The following ZBTB7C variants were observed in gnomAD, a reference collection of about 807,000 sequenced individuals.
ZBTB7C encodes the protein zinc finger and BTB domain-containing protein 7C.
ZBTB7C carries 8 observed loss-of-function variants against 25.7 expected under a neutral mutation model. That is an observed-to-expected ratio of 0.31 (90% CI 0.18 to 0.56). The LOEUF is 0.56. Ranked by LOEUF, ZBTB7C falls within the 20% of genes least tolerant of loss-of-function variation. ZBTB7C has a pLI of 0.91. For missense variants in ZBTB7C, 824 were observed against 855.2 expected (o/e 0.96, Z 0.46); for synonymous variants, 394 against 369.0 (o/e 1.07, Z -0.78).
At chr18:48,304,065 G>T (rs2045608296) in intron 2 of ZBTB7C, among the ~76,000 whole-genome samples, 1 of 152,130 alleles carries the variant, frequency 6.6e-6, no homozygotes, top group African/African-American at 2.4e-5. Flanking sequence ...CTGGCAAGTG[G>T]GTGACAAAGC....
chr18:48,074,854 G>A (rs1165726567), intron 3 of ZBTB7C, among the ~76,000 whole-genome samples: 4 of 152,162 alleles, frequency 2.6e-5, no homozygotes, highest in African/African-American at 4.8e-5. Flanking sequence ...TTAAAGGAAC[G>A]GACACCCAGC....
chr18:48,115,647 T>C (rs573979038), intron 3 of ZBTB7C, among the ~76,000 whole-genome samples: 37 of 152,318 alleles, frequency 2.4e-4, no homozygotes, highest in African/African-American at 8.9e-4. Flanking sequence ...CTTTTGGCTA[T>C]CGGGAATAAT....
intron 3 of ZBTB7C, chr18:48,088,165 C>T (rs4564645): frequency 0.42 from 64,354 of 151,982 alleles, 13,912 homozygotes; most frequent in Admixed American, 0.54. Flanking sequence ...ATAAAGCTTT[C>T]GTCTGTGGCT....
At chr18:48,149,739 T>C (rs1267071280) in intron 3 of ZBTB7C, 3 of 151,770 alleles carry the variant, frequency 2.0e-5, no homozygotes, top group African/African-American at 4.8e-5. Flanking sequence ...AATAGGAAAA[T>C]AATCATAATG....
chr18:48,331,210 A>G (rs1473045451), intron 2 of ZBTB7C, among the ~76,000 whole-genome samples: 1 of 152,186 alleles, frequency 6.6e-6, no homozygotes, highest in Non-Finnish European at 1.5e-5. Flanking sequence ...CACCTTGCAG[A>G]CAGAGCCATG....
chr18:48,229,736 G>T (rs1365255447), intron 2 of ZBTB7C, among the ~76,000 whole-genome samples: 1 of 152,210 alleles, frequency 6.6e-6, no homozygotes, highest in East Asian at 1.9e-4. Context: ...TTGTCGAAGA[G>T]TCTGCAGGGA....
At chr18:48,221,162 T>C (rs1276234674) in intron 2 of ZBTB7C, among the ~76,000 whole-genome samples, 1 of 151,352 alleles carries the variant, frequency 6.6e-6, no homozygotes, top group Non-Finnish European at 1.5e-5. Context: ...TGTCCTAGTC[T>C]CCCTCTATAC....
chr18:48,283,729 C>T (rs2044942765), intron 2 of ZBTB7C, among the ~76,000 whole-genome samples: 1 of 152,164 alleles, frequency 6.6e-6, no homozygotes, highest in Non-Finnish European at 1.5e-5. Flanking sequence ...AGTTCCTTCA[C>T]CTGTAAAATA....
At chr18:48,383,483 C>T (rs1470112988) in intron 1 of ZBTB7C, among the ~76,000 whole-genome samples, 3 of 152,056 alleles carry the variant, frequency 2.0e-5, no homozygotes. Flanking sequence ...CCAGGCTGGT[C>T]TCGAACTCCT....
upstream of ZBTB7C, among the ~76,000 whole-genome samples, chr18:48,412,317 G>T (rs577122479): frequency 6.6e-6 from 1 of 152,348 alleles, no homozygotes; most frequent in South Asian, 2.1e-4. Context: ...CAAGAAAAAA[G>T]AGGGGAATTA....
chr18:48,168,786 T>C (rs2041359451), intron 3 of ZBTB7C, among the ~76,000 whole-genome samples: 1 of 152,254 alleles, frequency 6.6e-6, no homozygotes, highest in African/African-American at 2.4e-5. Context: ...TAAAGGATAA[T>C]GTTGGTCTTC....
At chr18:48,067,368 C>A (rs1050579152) in intron 3 of ZBTB7C, among the ~76,000 whole-genome samples, 4 of 152,156 alleles carry the variant, frequency 2.6e-5, no homozygotes, top group African/African-American at 9.7e-5. Flanking sequence ...TTTGTAAAAT[C>A]AGGTGTACAA....
chr18:48,221,807 CGCTGTCCTAGTCTCCCTCTAT>C (rs1299602661), intron 2 of ZBTB7C, among the ~76,000 whole-genome samples: 6 of 136,192 alleles, frequency 4.4e-5, no homozygotes, highest in Admixed American at 2.3e-4. Context: ...GTCTCCACTA[CGCTGTCCTAGTCTCCCTCTAT>C]GCTGTCCTAG....
At chr18:48,236,644 G>A (rs2043387631) in intron 2 of ZBTB7C, among the ~76,000 whole-genome samples, 1 of 152,140 alleles carries the variant, frequency 6.6e-6, no homozygotes, top group East Asian at 1.9e-4. Context: ...AGATTGAGGT[G>A]GGAAGTAAAA....
intron 3 of ZBTB7C, among the ~76,000 whole-genome samples, chr18:48,169,335 T>C (rs577490182): frequency 6.6e-6 from 1 of 152,274 alleles, no homozygotes; most frequent in South Asian, 2.1e-4. Flanking sequence ...TTACCCTCTG[T>C]TACTTAACGG....
intron 4 of ZBTB7C, among the ~76,000 whole-genome samples, chr18:48,033,608 G>A (rs897448685): frequency 2.6e-5 from 4 of 152,176 alleles, no homozygotes; most frequent in African/African-American, 9.7e-5. Context: ...AACTTCAGAG[G>A]ATCATCTAGT....
intron 2 of ZBTB7C, among the ~76,000 whole-genome samples, chr18:48,228,153 G>GTCC (rs950895483): frequency 3.3e-5 from 5 of 152,128 alleles, no homozygotes; most frequent in African/African-American, 1.2e-4. Context: ...CTCCCGAGCT[G>GTCC]GGGAGACAGG....
intron 4 of ZBTB7C, among the ~76,000 whole-genome samples, chr18:48,031,017 C>T (rs1468975826): frequency 3.3e-5 from 5 of 152,232 alleles, no homozygotes; most frequent in Admixed American, 1.3e-4. Context: ...TACTTCCTCC[C>T]TGCAGGTGTG....
At chr18:48,212,847 C>A (rs1319318838) in intron 2 of ZBTB7C, among the ~76,000 whole-genome samples, 1 of 151,910 alleles carries the variant, frequency 6.6e-6, no homozygotes, top group African/African-American at 2.4e-5. Context: ...AGAGTTAATC[C>A]AGGTGTGGGG....
Sources: allele counts gnomAD v4.1 joint callset (sites outside exome capture counted in the v4.1 genomes callset), GRCh38; gene constraint gnomAD v4.1.1; transcripts MANE v1.5; gene names NCBI Gene and HGNC (gene_info 2026-07-23, HGNC 2026-07-21).